Variants in TRIM52 observed in about 807,000 individuals in gnomAD.
TRIM52 encodes tripartite motif containing 52, also known as E3 ubiquitin-protein ligase TRIM52.
Under a neutral mutation model 27.0 loss-of-function variants are expected in TRIM52, and 24 were observed. The ratio of observed to expected loss-of-function variants is 0.89; its 90% CI spans 0.64 to 1.25. The LOEUF (loss-of-function observed/expected upper bound fraction) is 1.25. TRIM52 is among the 50% of genes most tolerant of loss of function. The pLI is 0.00. For synonymous variants in TRIM52, 125 were observed against 126.5 expected (o/e 0.99, Z 0.08); for missense variants, 351 against 354.7 (o/e 0.99, Z 0.08).
At chr5:181,252,351 A>G (rs193288471), downstream of TRIM52, among the ~76,000 whole-genome samples, 25 of 152,370 alleles carry the variant, frequency 1.6e-4, no homozygotes, top group East Asian at 4.8e-3. Flanking sequence ...GTGGCTAATT[A>G]AAATTAAATT....
rs1025971246 is a variant in TRIM52 at position 181,255,849 on chromosome 5, T to C, written c.*960A>G. On this transcript the variant is annotated 3_prime_UTR_variant, in exon 2 of 2. Coordinates refer to ENST00000688015, the MANE Select transcript of TRIM52 (RefSeq NM_001346048.2). ...AACTTTTGAAATGTTCAAGTATAGA[T>C]TATTTTTCATTGTTCTTCCAACCTT... The C allele has an allele frequency of 1.3e-5, 2 of 152,254 alleles. No individual in the cohort carries two copies. The highest frequency in any genetic ancestry group is 6.5e-5 in the Admixed American group (1 of 15,286). The allele number at this position is 152,254 out of a possible 1,614,324, so 9.4% of individuals were successfully genotyped here.
At chr5:181,249,893 C>A (rs996750752), downstream of TRIM52, among the ~76,000 whole-genome samples, 4 of 145,192 alleles carry the variant, frequency 2.8e-5, no homozygotes, top group Non-Finnish European at 6.0e-5. Flanking sequence ...TGCAGTGGTG[C>A]CATTTTGGCT....
At chr5:181,250,530 C>T (rs1281928417), downstream of TRIM52, among the ~76,000 whole-genome samples, 3 of 150,600 alleles carry the variant, frequency 2.0e-5, no homozygotes, top group Non-Finnish European at 4.4e-5. Flanking sequence ...AGGGAGACTG[C>T]ATCTCAAAAA....
At chr5:181,257,253 C>T in intron 1 of TRIM52, 1 of 1,293,862 alleles carries the variant, frequency 7.7e-7, no homozygotes, top group East Asian at 3.0e-5. Context: ...ATAAGTAAGG[C>T]TTTCTGGGCC....
At chr5:181,253,099 G>A (rs542697374), downstream of TRIM52, among the ~76,000 whole-genome samples, 7 of 125,276 alleles carry the variant, frequency 5.6e-5, 2 homozygotes, top group African/African-American at 2.4e-4. Flanking sequence ...GCAATGGTGC[G>A]ATCTCGGCTC....
chr5:181,260,590 A>C lies in TRIM52; in HGVS notation c.224T>G (p.Met75Arg). The C allele has an allele frequency of 1.9e-6, 3 of 1,613,056 alleles. No homozygotes were observed. The highest frequency in any genetic ancestry group is 2.5e-6 in the Non-Finnish European group (3 of 1,179,806). ...TCGAATGGAGCCGTCCCATCCATCC[A>C]TGGCCCCCACCGCTTCCTCGTCCTC... is the stretch of plus-strand genomic sequence containing the variant. ...EEEDEEAVGA[M>R]DGWDGSIREV... Residue 75 changes from methionine (M) to arginine (R), a missense_variant, in exon 1 of 2, where the codon ATG (methionine) becomes AGG (arginine). By Grantham distance (91) the Met-to-Arg change is moderately conservative (BLOSUM62 -1). Coordinates refer to ENST00000688015, the MANE Select transcript of TRIM52 (RefSeq NM_001346048.2). This position sits in a 1 kb window ranked among gnomAD's most constrained non-coding sequence, Gnocchi z 4.4.
downstream of TRIM52, among the ~76,000 whole-genome samples, chr5:181,254,132 T>C (rs138525945): frequency 0.018 from 2,478 of 138,948 alleles, 588 homozygotes; most frequent in African/African-American, 0.074. Context: ...CTACTAAAAA[T>C]ACAAAAAATT....
chr5:181,250,485 G>A (rs903712954), downstream of TRIM52, among the ~76,000 whole-genome samples: 3 of 151,896 alleles, frequency 2.0e-5, no homozygotes, highest in Non-Finnish European at 2.9e-5. Context: ...GCAGTGAGCC[G>A]AGATTGCGTC....
At chr5:181,250,324 TCAGGAGTTCAAGAC>T (rs1485034862), downstream of TRIM52, among the ~76,000 whole-genome samples, 1 of 152,046 alleles carries the variant, frequency 6.6e-6, no homozygotes, top group Non-Finnish European at 1.5e-5. Context: ...TCACTTGAGG[TCAGGAGTTCAAGAC>T]CAGCCTGACC....
chr5:181,257,417 C>G, intron 1 of TRIM52: 1 of 1,607,646 alleles, frequency 6.2e-7, no homozygotes. Flanking sequence ...ACACATCTTA[C>G]TGATTATAGG....
At chr5:181,253,300 G>A (rs1176950452), downstream of TRIM52, among the ~76,000 whole-genome samples, 3 of 142,480 alleles carry the variant, frequency 2.1e-5, no homozygotes, top group Middle Eastern at 3.7e-3. Flanking sequence ...CTCCCAAAGT[G>A]CTGGGATTAC....
At chr5:181,259,827 G>A (rs1759952302) in intron 1 of TRIM52, 174 bp downstream of exon 1, 1 of 1,420,882 alleles carries the variant, frequency 7.0e-7, no homozygotes, top group African/African-American at 1.4e-5. Context: ...ATGGTTTTGT[G>A]TCTCCTTTTT....
rs1759798304 is a variant in TRIM52, at chr5:181,256,815, C to T, written c.858G>A (p.Gly286=). ...AACAGTGTTTGGCATGGTGTCACTG[C>T]CCAACACTTTCAGATAACTCAACTG... ...TSSVELSESV[G]Q The change falls in exon 2 of 2, where the codon GGG becomes GGA. Residue 286 remains glycine, a synonymous_variant. Transcript: ENST00000688015. The T allele has an allele frequency of 6.1e-6, 6 of 985,392 alleles. No individual in the cohort carries two copies. The South Asian group carries it at 2.3e-4, about 39-fold the overall frequency. The allele number at this position is 985,392 out of a possible 1,614,324, so 61.0% of individuals were successfully genotyped here.
chr5:181,249,827 G>GTTTTTTTTTTTTTTTTTTT (rs1237894738), downstream of TRIM52, among the ~76,000 whole-genome samples: 3 of 128,470 alleles, frequency 2.3e-5, no homozygotes, highest in African/African-American at 9.1e-5. Context: ...ATCACTTGCA[G>GTTTTTTTTTTTTTTTTTTT]TTTTTTTTTT....
At chr5:181,251,567 T>A (rs898513508), downstream of TRIM52, among the ~76,000 whole-genome samples, 27 of 152,186 alleles carry the variant, frequency 1.8e-4, no homozygotes, top group African/African-American at 6.5e-4. Flanking sequence ...AGTAATAACT[T>A]AGAGGAACGT....
At chr5:181,249,635 C>G (rs1156305405), downstream of TRIM52, among the ~76,000 whole-genome samples, 2 of 151,574 alleles carry the variant, frequency 1.3e-5, no homozygotes, top group East Asian at 3.9e-4. Flanking sequence ...ATGATCACAT[C>G]ACTACACTCC....
chr5:181,251,010 C>T (rs763694077), downstream of TRIM52, among the ~76,000 whole-genome samples: 2 of 152,126 alleles, frequency 1.3e-5, no homozygotes, highest in Non-Finnish European at 2.9e-5. Flanking sequence ...GGGGAGATGG[C>T]TGGGCGTGGT....
At chr5:181,250,077 C>T (rs1759602737), downstream of TRIM52, among the ~76,000 whole-genome samples, 1 of 152,022 alleles carries the variant, frequency 6.6e-6, no homozygotes, top group African/African-American at 2.4e-5. Context: ...GATAAAGATT[C>T]AGCATAAATT....
intron 1 of TRIM52, 71 bp downstream of exon 1, chr5:181,259,930 T>C (rs1446475655): frequency 1.4e-5 from 23 of 1,608,888 alleles, no homozygotes; most frequent in Non-Finnish European, 5.9e-6. Flanking sequence ...AAAGGAATGC[T>C]ACTCATTCCT....
Sources: allele counts gnomAD v4.1 joint callset (sites outside exome capture counted in the v4.1 genomes callset), GRCh38; gene constraint gnomAD v4.1.1; non-coding constraint Gnocchi (gnomAD v3.1); transcripts MANE v1.5; gene names NCBI Gene and HGNC (gene_info 2026-07-23, HGNC 2026-07-21).